The following PREX2 variants were observed in gnomAD, a reference collection of about 807,000 sequenced individuals.
PREX2 encodes phosphatidylinositol-3,4,5-trisphosphate dependent Rac exchange factor 2, also known as phosphatidylinositol 3,4,5-trisphosphate-dependent Rac exchanger 2 protein.
PREX2 carries 107 observed loss-of-function variants against 203.2 expected under a neutral mutation model. That is an observed-to-expected ratio of 0.53 (90% CI 0.45 to 0.62). The LOEUF (loss-of-function observed/expected upper bound fraction) is 0.62. Among genes scored for constraint, PREX2 ranks in the 20% least tolerant of loss-of-function variants. The probability of loss-of-function intolerance (pLI) is 0.00; values close to 1 mark genes in which losing one functional copy is unlikely to be tolerated. For missense variants in PREX2, 1,777 were observed against 1,955.9 expected (o/e 0.91, Z 1.72); for synonymous variants, 672 against 663.6 (o/e 1.01, Z -0.19).
intron 25 of PREX2, among the ~76,000 whole-genome samples, chr8:68,111,655 C>G (rs1331195693): frequency 6.6e-6 from 1 of 152,122 alleles, no homozygotes; most frequent in African/African-American, 2.4e-5. Context: ...GAGAAACCAC[C>G]TTGGTCTTCT....
rs189780263 is a variant in PREX2, at chr8:68,164,550, G to A, written c.4346+7114G>A. ...ATTATAGCCAAGAAAAACAGCTGGT[G>A]ATCTGGCTTTTTTTTCTTTCTTTTT... is the stretch of plus-strand genomic sequence containing the variant. On this transcript the variant is annotated intron_variant, in intron 35 of 39. Transcript: ENST00000288368. Among the ~76,000 whole-genome samples, 119 of 150,482 alleles carry A rather than the reference G, an allele frequency of 7.9e-4. 2 individuals carry two copies. Among genetic ancestry groups the A allele is most frequent in the African/African-American group, 2.6e-3 (108 of 41,214 alleles).
At chr8:68,077,086 AAATCT>A (rs1809373984) in intron 14 of PREX2, among the ~76,000 whole-genome samples, 1 of 152,258 alleles carries the variant, frequency 6.6e-6, no homozygotes, top group African/African-American at 2.4e-5. Flanking sequence ...AAAATCTAAG[AAATCT>A]AATCTAAGAA....
chr8:67,981,105 C>T (rs1288407640), intron 1 of PREX2, among the ~76,000 whole-genome samples: 1 of 152,100 alleles, frequency 6.6e-6, no homozygotes, highest in Non-Finnish European at 1.5e-5. Flanking sequence ...TAGGAAAGTA[C>T]AATTTAAAGC....
At chr8:68,177,696 G>A (rs1433562427) in intron 35 of PREX2, among the ~76,000 whole-genome samples, 1 of 152,108 alleles carries the variant, frequency 6.6e-6, no homozygotes, top group African/African-American at 2.4e-5. Context: ...ATAGGTAAAT[G>A]TGTGCCATGG....
intron 35 of PREX2, among the ~76,000 whole-genome samples, chr8:68,175,543 C>T (rs1317328575): frequency 1.3e-5 from 2 of 152,060 alleles, no homozygotes; most frequent in African/African-American, 4.8e-5. Context: ...TAAGTAGATA[C>T]AAATGGAGAT....
At chr8:67,995,743 T>C (rs931436411) in intron 1 of PREX2, among the ~76,000 whole-genome samples, 1 of 152,226 alleles carries the variant, frequency 6.6e-6, no homozygotes, top group Non-Finnish European at 1.5e-5. Context: ...GATAGTCATT[T>C]AGGTTGTTTC....
At chr8:68,093,833 C>G in intron 21 of PREX2, 111 bp downstream of exon 21, 3 of 524,522 alleles carry the variant, frequency 5.7e-6, no homozygotes, top group Non-Finnish European at 1.0e-5. Flanking sequence ...ATTCTTAAGT[C>G]GTTATCACCA....
In PREX2 at chr8:68,056,069, C is replaced by T. The variant is rs1027678230; in HGVS notation, c.1238+95C>T. The stretch of plus-strand genomic sequence containing the variant: ...AATTAGTTTTCCTTTAAAAATATTC[C>T]CTTAGGCACTTTTGAAAACTTCTTT... On this transcript the variant is annotated intron_variant, in intron 10 of 39. Transcript: ENST00000288368. 15 of 1,300,296 alleles carry T rather than the reference C, an allele frequency of 1.2e-5. No homozygotes were observed. The East Asian group carries it at 3.5e-4, about 30-fold the overall frequency. The allele number at this position is 1,300,296 out of a possible 1,614,324, so 80.5% of individuals were successfully genotyped here.
Position 68,097,169 on chromosome 8 carries a change from G to A in PREX2, c.2521G>A (p.Glu841Lys). ...IKCNVVEKMIEPKGFFSLTAK... is the reference protein window; with the variant it reads ...IKCNVVEKMIKPKGFFSLTAK... ...GTGCAATGTGGTGGAAAAGATGATT[G>A]AGCCCAAAGGTTTCTTCAGCTTAAC... Residue 841 changes from glutamate to lysine, a missense_variant, in exon 22 of 40, where the codon GAG becomes AAG. Physicochemically the swap from Glu to Lys is moderately conservative, Grantham distance 56 (BLOSUM62 1). Coordinates refer to ENST00000288368, the MANE Select transcript of PREX2 (RefSeq NM_024870.4). 1 of 1,613,538 alleles carries A rather than the reference G, an allele frequency of 6.2e-7. No individual in the cohort carries two copies. The highest frequency in any genetic ancestry group is 1.3e-5 in the African/African-American group (1 of 75,012).
intron 34 of PREX2, among the ~76,000 whole-genome samples, chr8:68,155,932 AG>A (rs1811535959): frequency 1.3e-5 from 2 of 152,228 alleles, no homozygotes; most frequent in African/African-American, 4.8e-5. Flanking sequence ...ATTTGAGTAG[AG>A]GTGATTTTCT....
At chr8:68,134,449 T>C (rs1811072507) in intron 32 of PREX2, among the ~76,000 whole-genome samples, 173 bp downstream of exon 32, 1 of 152,232 alleles carries the variant, frequency 6.6e-6, no homozygotes, top group African/African-American at 2.4e-5. Context: ...TTAATAAGTA[T>C]GTAGAATGTA....
At chr8:68,060,577 T>A in intron 10 of PREX2, 102 bp from the exon 11 acceptor site, 1 of 732,740 alleles carries the variant, frequency 1.4e-6, no homozygotes, top group Middle Eastern at 2.4e-4. Context: ...TTCCTTTATA[T>A]TTTGAGATTC....
At chr8:67,980,639 T>TCAAGG (rs1563482500) in intron 1 of PREX2, among the ~76,000 whole-genome samples, 3 of 152,134 alleles carry the variant, frequency 2.0e-5, no homozygotes, top group African/African-American at 7.2e-5. Flanking sequence ...ATAATCCCCA[T>TCAAGG]GTGTCAAGGG....
chr8:68,218,815 A>G (rs1320025144), intron 38 of PREX2, among the ~76,000 whole-genome samples: 1 of 152,188 alleles, frequency 6.6e-6, no homozygotes, highest in Admixed American at 6.5e-5. Context: ...CAGGAGCTGA[A>G]GATTGAAAAC....
intron 1 of PREX2, among the ~76,000 whole-genome samples, chr8:67,983,625 A>G (rs951436574): frequency 6.6e-6 from 1 of 152,212 alleles, no homozygotes; most frequent in Non-Finnish European, 1.5e-5. Context: ...TTCCAGCAGT[A>G]TCCTCTTCCT....
At chr8:67,976,735 GAGA>G (rs1806120692) in intron 1 of PREX2, among the ~76,000 whole-genome samples, 1 of 93,270 alleles carries the variant, frequency 1.1e-5, no homozygotes, top group Non-Finnish European at 2.3e-5. Flanking sequence ...GAGACAGAGA[GAGA>G]GAGAGAGATG....
rs1215683685 is a variant in PREX2, at chr8:67,952,328, C to G, written c.-67C>G. ...TCCATTCTCGCCGCCGGGGGCCGGG[C>G]AGCAGCGGGCGCGCGGGTCAGCGCT... On this transcript the variant is annotated 5_prime_UTR_variant, in exon 1 of 40. Transcript: ENST00000288368. 7.6e-7 allele frequency: 1 copy of G among 1,308,034 alleles called. No individual in the cohort carries two copies. Among genetic ancestry groups the G allele is most frequent in the African/African-American group, 1.6e-5 (1 of 63,880 alleles). The allele number at this position is 1,308,034 out of a possible 1,614,324, so 81.0% of individuals were successfully genotyped here. A position where few individuals can be genotyped will look rare whatever the true frequency, so the allele number is the denominator to read the frequency against.
chr8:68,134,152 A>G lies in PREX2; in HGVS notation c.3860A>G (p.Asn1287Ser). Reference protein sequence around the residue: ...AFSEQLMAALNQMFDNSKENE... With the variant: ...AFSEQLMAALSQMFDNSKENE... ...TCTGAGCAGCTCATGGCGGCCTTGA[A>G]CCAGATGTTTGACAACAGCAAGGAA... The change falls in exon 32 of 40, where the codon AAC becomes AGC. Residue 1287 changes from asparagine (N) to serine (S), a missense_variant. By Grantham distance (46) the Asn-to-Ser change is conservative. Transcript: ENST00000288368. 6.2e-7 allele frequency: 1 copy of G among 1,614,084 alleles called. No homozygotes were observed. The highest frequency in any genetic ancestry group is 2.2e-5 in the East Asian group (1 of 44,864).
chr8:68,045,479 G>A (rs921823328), intron 8 of PREX2, among the ~76,000 whole-genome samples: 4 of 152,058 alleles, frequency 2.6e-5, no homozygotes, highest in African/African-American at 4.8e-5. Flanking sequence ...TTTATAATCT[G>A]TCAGAAGCAC....
Sources: allele counts gnomAD v4.1 joint callset (sites outside exome capture counted in the v4.1 genomes callset), GRCh38; gene constraint gnomAD v4.1.1; transcripts MANE v1.5; gene names NCBI Gene and HGNC (gene_info 2026-07-23, HGNC 2026-07-21).